OSBPL1A: variants seen among roughly 807,000 people sequenced by gnomAD.
OSBPL1A encodes oxysterol binding protein like 1A, also known as oxysterol-binding protein-related protein 1.
In OSBPL1A, 80 loss-of-function variants were observed where a neutral mutation model predicts 137.1. The ratio of observed to expected loss-of-function variants is 0.58; its 90% CI spans 0.49 to 0.70. The LOEUF (loss-of-function observed/expected upper bound fraction) is 0.70. Ranked by LOEUF, OSBPL1A falls within the 30% of genes least tolerant of loss-of-function variation. OSBPL1A has a pLI of 0.00. For synonymous variants in OSBPL1A, 365 were observed against 389.7 expected, an observed-to-expected ratio of 0.94 and a Z score of 0.75; for missense variants, 970 against 1,129.4, an observed-to-expected ratio of 0.86 and a Z score of 2.02.
chr18:24,271,293 T>C lies in OSBPL1A; in HGVS notation c.1281+9549A>G, dbSNP rs549220853. Among the ~76,000 whole-genome samples, 58 of 152,306 alleles carry C rather than the reference T, an allele frequency of 3.8e-4. No homozygotes were observed. The highest frequency in any genetic ancestry group is 6.8e-4 in the Non-Finnish European group (46 of 68,016). Reference sequence around the variant, plus strand: ...AGGACAATAATGTCTTTCACTGTCTTACTCCTCCCACTCCAGCCCTTCTTG... The same window carrying C: ...AGGACAATAATGTCTTTCACTGTCTCACTCCTCCCACTCCAGCCCTTCTTG... On this transcript the variant is annotated intron_variant, in intron 15 of 27. Coordinates refer to ENST00000319481, the MANE Select transcript of OSBPL1A (RefSeq NM_080597.4). The surrounding 1 kb of genome is among the most constrained non-coding windows in gnomAD (Gnocchi z 4.0).
Position 24,163,079 on chromosome 18 carries a change from T to A in OSBPL1A, c.*100A>T, listed in dbSNP as rs200338662. On this transcript the variant is annotated 3_prime_UTR_variant, in exon 28 of 28. Transcript: ENST00000319481. ...TTATCTCATGAGTGTTTTTTCATTT[T>A]TTTTTTTAAAAGATAAGTAGAAACC... 3 of 852,950 alleles carry A rather than the reference T, an allele frequency of 3.5e-6. No individual in the cohort carries two copies. The highest frequency in any genetic ancestry group is 5.3e-6 in the Non-Finnish European group (3 of 565,974). 52.8% of individuals were successfully genotyped at this position (852,950 alleles called of 1,614,324 possible).
At chr18:24,190,542 A>C (rs1028279532) in intron 18 of OSBPL1A, among the ~76,000 whole-genome samples, 5 of 152,174 alleles carry the variant, frequency 3.3e-5, no homozygotes, top group African/African-American at 7.2e-5. Flanking sequence ...GTCCTGTTTC[A>C]GTTAAGAGAA....
At chr18:24,351,355 A>AAAAAAAAAAAAAAAAAAAAAG (rs1568045846) in intron 4 of OSBPL1A, among the ~76,000 whole-genome samples, 1 of 150,068 alleles carries the variant, frequency 6.7e-6, no homozygotes, top group Admixed American at 6.7e-5. Context: ...CTCAAAAAAA[A>AAAAAAAAAAAAAAAAAAAAAG]AAAAAAAAAA....
rs572873437 is a variant in OSBPL1A, at chr18:24,291,775, A to AT, written c.1175-10828_1175-10827insA. Among the ~76,000 whole-genome samples, 227 of 151,788 alleles carry AT rather than the reference A, an allele frequency of 1.5e-3. 2 individuals are homozygous for AT. Among genetic ancestry groups the AT allele is most frequent in the African/African-American group, 5.3e-3 (220 of 41,368 alleles). ...AAGGGGACTTGGGGGACAGGGAAAA[A>AT]AAAAAACGAGAGATTGCCTGTAATT... On this transcript the variant is annotated intron_variant, in intron 14 of 27. Coordinates refer to ENST00000319481, the MANE Select transcript of OSBPL1A (RefSeq NM_080597.4).
intron 17 of OSBPL1A, among the ~76,000 whole-genome samples, chr18:24,199,190 C>A (rs768308891): frequency 3.3e-5 from 5 of 151,846 alleles, no homozygotes; most frequent in Non-Finnish European, 7.4e-5. Flanking sequence ...ATTGGAAGAC[C>A]GCCACGCAGG....
chr18:24,275,726 C>T (rs1044207073), intron 15 of OSBPL1A, among the ~76,000 whole-genome samples: 2 of 142,082 alleles, frequency 1.4e-5, no homozygotes, highest in African/African-American at 2.9e-5. Flanking sequence ...TAGTCCCACT[C>T]TCTTTTTTTT....
At chr18:24,228,189 A>T (rs2088150683) in intron 16 of OSBPL1A, among the ~76,000 whole-genome samples, 1 of 151,834 alleles carries the variant, frequency 6.6e-6, no homozygotes, top group Admixed American at 6.6e-5. Context: ...GACAGTGCAG[A>T]CCCTGTCCTC....
chr18:24,294,869 T>A (rs1248505148), intron 14 of OSBPL1A, among the ~76,000 whole-genome samples: 1 of 152,236 alleles, frequency 6.6e-6, no homozygotes, highest in Non-Finnish European at 1.5e-5. Context: ...TGTGCTGCTG[T>A]GAACATGGAT....
intron 15 of OSBPL1A, among the ~76,000 whole-genome samples, chr18:24,280,189 C>T (rs1437060387): frequency 1.3e-5 from 2 of 152,078 alleles, no homozygotes; most frequent in African/African-American, 4.8e-5. Flanking sequence ...CAAGTGATTG[C>T]CCACCTTAGC....
At position 24,181,178 on chromosome 18, in the gene OSBPL1A, G is replaced by A; in HGVS notation, c.1779C>T (p.Ala593=). 6.2e-7 allele frequency: 1 copy of A among 1,614,076 alleles called. No individual in the cohort carries two copies. ...TTTCCACAGGATCAGAGAGTGAACT[G>A]GCCTTGTGGATGAGGTAAGTATGCT... ...YMEHTYLIHK[A]SSLSDPVERM... The change falls in exon 19 of 28, where the codon GCC becomes GCT. Residue 593 remains alanine, a synonymous_variant. Coordinates refer to ENST00000319481, the MANE Select transcript of OSBPL1A (RefSeq NM_080597.4).
intron 20 of OSBPL1A, 60 bp downstream of exon 20, chr18:24,179,674 ATATG>A: frequency 1.5e-6 from 2 of 1,326,234 alleles, no homozygotes; most frequent in Non-Finnish European, 2.2e-6. Flanking sequence ...GTGATGACCA[ATATG>A]TATGTATTTC....
At position 24,303,697 on chromosome 18, in the gene OSBPL1A, G is replaced by T; in HGVS notation, c.1114C>A (p.Arg372=). ...AAGTTGGAAATTTCCCTATCTAGTC[G>T]CTGTTGGCATGACTGTGCTTTCTGC... The part of the protein sequence containing the change: ...SLEKAQSCQQ[R]LDREISNFLK... The change falls in exon 14 of 28, where the codon CGA becomes AGA. Residue 372 remains arginine, a synonymous_variant. Transcript: ENST00000319481. 1 of 1,613,254 alleles carries T rather than the reference G, an allele frequency of 6.2e-7. No individual in the cohort carries two copies. Among genetic ancestry groups the T allele is most frequent in the Non-Finnish European group, 8.5e-7 (1 of 1,179,618 alleles).
chr18:24,319,183 C>A (rs766095141), intron 7 of OSBPL1A, among the ~76,000 whole-genome samples: 3 of 152,204 alleles, frequency 2.0e-5, no homozygotes, highest in Non-Finnish European at 4.4e-5. Flanking sequence ...GGAGACATTT[C>A]CTTGCCTTTT....
chr18:24,341,414 C>A lies in OSBPL1A; in HGVS notation c.394+133G>T, dbSNP rs1050472258. ...ATAATTGTGTGTTTAATCAATGACT[C>A]CAAGATGACATTATCATTAGAGCAT... On this transcript the variant is annotated intron_variant, in intron 5 of 27. Coordinates refer to ENST00000319481, the MANE Select transcript of OSBPL1A (RefSeq NM_080597.4). 6.2e-6 allele frequency: 4 copies of A among 644,314 alleles called. No individual in the cohort carries two copies. The African/African-American group carries it at 7.4e-5, about 12-fold the overall frequency. 39.9% of individuals were successfully genotyped at this position (644,314 alleles called of 1,614,324 possible). A position where few individuals can be genotyped will look rare whatever the true frequency, so the allele number is the denominator to read the frequency against.
chr18:24,221,990 C>T (rs540905529), intron 17 of OSBPL1A, among the ~76,000 whole-genome samples: 2 of 152,218 alleles, frequency 1.3e-5, no homozygotes, highest in South Asian at 2.1e-4. Flanking sequence ...TTTTCTACGG[C>T]GACGATGTCA....
chr18:24,183,322 C>G (rs1169718526), intron 18 of OSBPL1A, among the ~76,000 whole-genome samples: 3 of 152,096 alleles, frequency 2.0e-5, no homozygotes, highest in Non-Finnish European at 2.9e-5. Context: ...ACTCCTCTTC[C>G]CAGAGACAAA....
At chr18:24,177,644 A>T (rs915392313) in intron 21 of OSBPL1A, among the ~76,000 whole-genome samples, 3 of 152,230 alleles carry the variant, frequency 2.0e-5, no homozygotes, top group Non-Finnish European at 4.4e-5. Flanking sequence ...CATGTGCCAC[A>T]CAATTGTCAT....
intron 15 of OSBPL1A, among the ~76,000 whole-genome samples, chr18:24,241,951 A>G (rs991574153): frequency 6.6e-6 from 1 of 152,236 alleles, no homozygotes; most frequent in African/African-American, 2.4e-5. Context: ...CAGCCATAAA[A>G]AAGAATGAGT....
At chr18:24,176,573 C>T (rs1599438717) in intron 21 of OSBPL1A, among the ~76,000 whole-genome samples, 1 of 151,950 alleles carries the variant, frequency 6.6e-6, no homozygotes, top group Non-Finnish European at 1.5e-5. Flanking sequence ...TTCTGCACAC[C>T]TGAATATTGT....
Sources: allele counts gnomAD v4.1 joint callset (sites outside exome capture counted in the v4.1 genomes callset), GRCh38; gene constraint gnomAD v4.1.1; non-coding constraint Gnocchi (gnomAD v3.1); transcripts MANE v1.5; gene names NCBI Gene and HGNC (gene_info 2026-07-23, HGNC 2026-07-21).